The following ZCWPW2 variants were observed in gnomAD, a reference collection of about 807,000 sequenced individuals.
The protein encoded by ZCWPW2 is zinc finger CW-type PWWP domain protein 2.
ZCWPW2 carries 45 observed loss-of-function variants against 46.6 expected under a neutral mutation model. The observed-to-expected ratio is 0.96, with a 90% CI of 0.76 to 1.24. The LOEUF (loss-of-function observed/expected upper bound fraction) is 1.24, where lower values mean the gene tolerates loss of function less well. Among genes scored for constraint, ZCWPW2 ranks in the 50% most tolerant of loss-of-function variants. ZCWPW2 has a pLI of 0.00. For missense variants in ZCWPW2, 429 were observed against 403.9 expected, an observed-to-expected ratio of 1.06 and a Z score of -0.53; for synonymous variants, 152 against 137.1, an observed-to-expected ratio of 1.11 and a Z score of -0.76.
chr3:28,412,259 T>C (rs560208435), intron 2 of ZCWPW2, among the ~76,000 whole-genome samples: 2 of 151,840 alleles, frequency 1.3e-5, no homozygotes, highest in East Asian at 3.9e-4. Flanking sequence ...AAGCCAGAAT[T>C]TGGGGGCTTT....
chr3:28,428,875 T>C (rs1575122444), intron 3 of ZCWPW2, among the ~76,000 whole-genome samples: 1 of 152,140 alleles, frequency 6.6e-6, no homozygotes, highest in South Asian at 2.1e-4. Context: ...TGTCATGATT[T>C]TAAGTTTCCT....
intron 4 of ZCWPW2, among the ~76,000 whole-genome samples, chr3:28,449,047 A>T (rs1698122924): frequency 6.6e-6 from 1 of 152,104 alleles, no homozygotes; most frequent in Admixed American, 6.6e-5. Flanking sequence ...ACCTATAGAC[A>T]AGTGGAATAG....
At chr3:28,380,952 A>T (rs1220403306) in intron 1 of ZCWPW2, among the ~76,000 whole-genome samples, 1 of 44,932 alleles carries the variant, frequency 2.2e-5, no homozygotes, top group African/African-American at 1.1e-4. Flanking sequence ...ATATATATAT[A>T]TATATATATA....
chr3:28,442,862 G>C (rs1697823339), intron 4 of ZCWPW2, among the ~76,000 whole-genome samples: 1 of 152,138 alleles, frequency 6.6e-6, no homozygotes, highest in Non-Finnish European at 1.5e-5. Flanking sequence ...CTTGATGGTG[G>C]CACTAGTCTC....
chr3:28,380,139 T>C (rs1485437108), intron 1 of ZCWPW2, among the ~76,000 whole-genome samples: 1 of 151,856 alleles, frequency 6.6e-6, no homozygotes, highest in Non-Finnish European at 1.5e-5. Context: ...CCCACCACCA[T>C]GCCTGGCTAA....
chr3:28,498,238 C>CGTGTGT (rs56760870), intron 6 of ZCWPW2, among the ~76,000 whole-genome samples: 108 of 145,572 alleles, frequency 7.4e-4, no homozygotes, highest in African/African-American at 2.2e-3. Context: ...TACATATATA[C>CGTGTGT]GTGTGTGTGT....
At chr3:28,405,497 CAG>C (rs1005392180) in intron 2 of ZCWPW2, among the ~76,000 whole-genome samples, 14 of 152,078 alleles carry the variant, frequency 9.2e-5, no homozygotes, top group African/African-American at 2.9e-4. Context: ...TTTTTTGAGA[CAG>C]AGTTTCACTC....
At chr3:28,449,050 T>A (rs1199227643) in intron 4 of ZCWPW2, among the ~76,000 whole-genome samples, 1 of 151,950 alleles carries the variant, frequency 6.6e-6, no homozygotes, top group Non-Finnish European at 1.5e-5. Flanking sequence ...TATAGACAAG[T>A]GGAATAGAAT....
intron 4 of ZCWPW2, among the ~76,000 whole-genome samples, chr3:28,444,755 G>A (rs1418610661): frequency 2.0e-5 from 3 of 152,228 alleles, no homozygotes; most frequent in Non-Finnish European, 2.9e-5. Flanking sequence ...AGTTAGAATC[G>A]CTGAGTTCAT....
intron 1 of ZCWPW2, among the ~76,000 whole-genome samples, chr3:28,381,007 T>G: frequency 2.7e-5 from 1 of 36,636 alleles, no homozygotes; most frequent in African/African-American, 1.2e-4. Flanking sequence ...TTGGTATATA[T>G]ATATATATAT....
chr3:28,517,962 C>T (rs1351502260), intron 8 of ZCWPW2, among the ~76,000 whole-genome samples: 1 of 151,808 alleles, frequency 6.6e-6, no homozygotes, highest in African/African-American at 2.4e-5. Flanking sequence ...ATGGTAAAAC[C>T]CTGTCTCTAC....
In ZCWPW2 at chr3:28,525,189, C is replaced by T. The variant is rs564308683; in HGVS notation, c.*501C>T. ...ACTTTTCCTAAAAAGCAAAATTTCACTTGCTACTTCTACTGGAATCAGTTA... is the reference window on the plus strand; with the variant it reads ...ACTTTTCCTAAAAAGCAAAATTTCATTTGCTACTTCTACTGGAATCAGTTA... On this transcript the variant is annotated 3_prime_UTR_variant, in exon 10 of 10. Coordinates refer to ENST00000383768, the MANE Select transcript of ZCWPW2 (RefSeq NM_001040432.4). The T allele has an allele frequency of 2.0e-5, 3 of 152,264 alleles. No homozygotes were observed. In the South Asian group the frequency reaches 6.2e-4, roughly 32 times the overall value. The allele number at this position is 152,264 out of a possible 1,614,324, so 9.4% of individuals were successfully genotyped here.
chr3:28,429,601 A>T (rs1425535778), intron 3 of ZCWPW2, among the ~76,000 whole-genome samples: 1 of 152,196 alleles, frequency 6.6e-6, no homozygotes, highest in Non-Finnish European at 1.5e-5. Context: ...GCCAAATGTT[A>T]ATCACCAAGA....
At chr3:28,362,467 T>C (rs1704975947) in intron 1 of ZCWPW2, among the ~76,000 whole-genome samples, 1 of 152,090 alleles carries the variant, frequency 6.6e-6, no homozygotes, top group South Asian at 2.1e-4. Context: ...CCAACAAGCA[T>C]ATGACAAAAT....
intron 6 of ZCWPW2, among the ~76,000 whole-genome samples, chr3:28,504,497 A>C (rs1343470253): frequency 6.6e-6 from 1 of 152,180 alleles, no homozygotes; most frequent in Non-Finnish European, 1.5e-5. Context: ...ATAGAGAAAA[A>C]TTATAAAACA....
intron 6 of ZCWPW2, 71 bp from the exon 7 acceptor site, chr3:28,513,993 G>A: frequency 1.6e-6 from 2 of 1,275,226 alleles, no homozygotes; most frequent in Non-Finnish European, 2.1e-6. Context: ...TGAACTGCAT[G>A]GGACCCATTA....
intron 4 of ZCWPW2, among the ~76,000 whole-genome samples, chr3:28,465,328 T>A (rs1209953323): frequency 6.6e-6 from 1 of 152,200 alleles, no homozygotes; most frequent in Non-Finnish European, 1.5e-5. Flanking sequence ...TTATATTTAG[T>A]GAGATGCTGA....
chr3:28,429,956 A>C lies in ZCWPW2; in HGVS notation c.333-5154A>C, dbSNP rs556503022. ...GGATGTCCAGGCAGAAGTTTGCTTCAAGGACAGAGCCCTCATGGAGAACCT... is the reference window on the plus strand; with the variant it reads ...GGATGTCCAGGCAGAAGTTTGCTTCCAGGACAGAGCCCTCATGGAGAACCT... On this transcript the variant is annotated intron_variant, in intron 3 of 9. Coordinates refer to ENST00000383768, the MANE Select transcript of ZCWPW2 (RefSeq NM_001040432.4). Among the ~76,000 whole-genome samples the C allele has an allele frequency of 3.3e-5, 5 of 152,342 alleles. No individual in the cohort carries two copies. In the East Asian group the frequency reaches 9.6e-4, roughly 29 times the overall value.
intron 2 of ZCWPW2, among the ~76,000 whole-genome samples, chr3:28,408,996 A>G (rs1476384011): frequency 2.6e-5 from 4 of 152,306 alleles, no homozygotes; most frequent in Admixed American, 1.3e-4. Flanking sequence ...TAAAAGATGA[A>G]GAATTAAATA....
Sources: allele counts gnomAD v4.1 joint callset (sites outside exome capture counted in the v4.1 genomes callset), GRCh38; gene constraint gnomAD v4.1.1; transcripts MANE v1.5; gene names NCBI Gene and HGNC (gene_info 2026-07-23, HGNC 2026-07-21).